SLC26A5: variants seen among roughly 807,000 people sequenced by gnomAD.
SLC26A5 encodes the protein prestin.
Under a neutral mutation model 81.0 loss-of-function variants are expected in SLC26A5, and 51 were observed. The ratio of observed to expected loss-of-function variants is 0.63; its 90% CI spans 0.50 to 0.80. The LOEUF (loss-of-function observed/expected upper bound fraction) is 0.80, where lower values mean the gene tolerates loss of function less well. Ranked by LOEUF, SLC26A5 falls within the 30% of genes least tolerant of loss-of-function variation. The probability of loss-of-function intolerance (pLI) is 0.00; values close to 1 mark genes in which losing one functional copy is unlikely to be tolerated. For missense variants in SLC26A5, 771 were observed against 905.8 expected (o/e 0.85, Z 1.91); for synonymous variants, 325 against 332.8 (o/e 0.98, Z 0.25).
intron 19 of SLC26A5, 81 bp from the exon 20 acceptor site, chr7:103,374,673 A>C: frequency 5.8e-6 from 7 of 1,210,448 alleles, no homozygotes; most frequent in Non-Finnish European, 8.1e-6. Flanking sequence ...ACTTCCATAT[A>C]GTGTTTTTTT....
intron 19 of SLC26A5, 22 bp downstream of exon 19, chr7:103,376,786 C>A: frequency 6.5e-7 from 1 of 1,544,254 alleles, no homozygotes; most frequent in Non-Finnish European, 8.9e-7. Flanking sequence ...TAAGCTTCAC[C>A]CCATCTTAGA....
chr7:103,365,064 C>T (rs138800490), intron 19 of SLC26A5, among the ~76,000 whole-genome samples: 2,011 of 149,040 alleles, frequency 0.013, 15 homozygotes, highest in South Asian at 0.028. Context: ...GAATTAGCTA[C>T]GGAGCTGCGT....
intron 14 of SLC26A5, among the ~76,000 whole-genome samples, chr7:103,385,042 A>C (rs1822076060): frequency 6.6e-6 from 1 of 152,200 alleles, no homozygotes; most frequent in South Asian, 2.1e-4. Flanking sequence ...TTAAAATTTT[A>C]TAATGCTAAC....
intron 19 of SLC26A5, chr7:103,369,129 T>G (rs1300516084): frequency 6.6e-6 from 1 of 152,186 alleles, no homozygotes; most frequent in African/African-American, 2.4e-5. Context: ...AAATGCTGCT[T>G]TGCACTGAAA....
At chr7:103,373,310 T>C (rs1821134125), downstream of SLC26A5, among the ~76,000 whole-genome samples, 1 of 152,190 alleles carries the variant, frequency 6.6e-6, no homozygotes, top group Admixed American at 6.5e-5. Context: ...ATCAACTAGA[T>C]ATTACGTTTT....
At chr7:103,386,059 C>T (rs1348002495) in intron 14 of SLC26A5, among the ~76,000 whole-genome samples, 1 of 151,868 alleles carries the variant, frequency 6.6e-6, no homozygotes, top group Non-Finnish European at 1.5e-5. Context: ...TCCTCAGTAG[C>T]TGGGATTACA....
intron 19 of SLC26A5, chr7:103,362,418 G>A: frequency 7.4e-7 from 1 of 1,349,014 alleles, no homozygotes; most frequent in Non-Finnish European, 9.5e-7. Context: ...AATGTCTATA[G>A]AATACATAAC....
intron 19 of SLC26A5, chr7:103,368,264 G>A (rs577933594): frequency 4.5e-4 from 227 of 502,438 alleles, no homozygotes; most frequent in East Asian, 1.4e-3. Flanking sequence ...ACCCACACCC[G>A]TTTAAGGATT....
chr7:103,398,847 G>C (rs1823356820), intron 8 of SLC26A5, among the ~76,000 whole-genome samples: 1 of 152,050 alleles, frequency 6.6e-6, no homozygotes, highest in Admixed American at 6.6e-5. Flanking sequence ...TGGGAGACCA[G>C]GGGCATGGGT....
chr7:103,388,993 A>G lies in SLC26A5; in HGVS notation c.1514+15T>C, dbSNP rs753212657. 5.1e-6 allele frequency: 8 copies of G among 1,584,056 alleles called. No homozygotes were observed. The Admixed American group carries it at 1.3e-4, about 26-fold the overall frequency. On this transcript the variant is annotated intron_variant, in intron 14 of 19. Transcript: ENST00000306312. ...CTGCCGGGACATTCACACCCATTCCAATCTGGGCACTCACCTCTGTGTTCT... is the reference window on the plus strand; with the variant it reads ...CTGCCGGGACATTCACACCCATTCCGATCTGGGCACTCACCTCTGTGTTCT...
At chr7:103,401,041 C>T (rs775627289) in intron 8 of SLC26A5, among the ~76,000 whole-genome samples, 17 of 152,154 alleles carry the variant, frequency 1.1e-4, no homozygotes, top group African/African-American at 3.6e-4. Context: ...CTTGGCTATG[C>T]GGGCCCTTTT....
chr7:103,436,280 G>A (rs540431856), intron 2 of SLC26A5, among the ~76,000 whole-genome samples: 3 of 152,208 alleles, frequency 2.0e-5, no homozygotes, highest in Non-Finnish European at 2.9e-5. Flanking sequence ...AGACGAAAGC[G>A]CAAGTTAGGT....
intron 3 of SLC26A5, among the ~76,000 whole-genome samples, chr7:103,421,088 A>C (rs1199374798): frequency 6.6e-6 from 1 of 152,224 alleles, no homozygotes; most frequent in Non-Finnish European, 1.5e-5. Context: ...AGATATTTTC[A>C]AGGTGGGTGG....
downstream of SLC26A5, among the ~76,000 whole-genome samples, chr7:103,369,577 A>G (rs1820909786): frequency 6.6e-6 from 1 of 152,246 alleles, no homozygotes; most frequent in Non-Finnish European, 1.5e-5. Context: ...TACTTTAAAA[A>G]TTTGGGTTTT....
At chr7:103,399,194 A>C (rs1823383731) in intron 8 of SLC26A5, among the ~76,000 whole-genome samples, 3 of 152,198 alleles carry the variant, frequency 2.0e-5, no homozygotes. Flanking sequence ...TCCCCTGGGA[A>C]ACATGGAAGA....
At chr7:103,376,748 T>C (rs1006317398) in intron 19 of SLC26A5, 60 bp downstream of exon 19, 2 of 1,143,732 alleles carry the variant, frequency 1.7e-6, no homozygotes, top group African/African-American at 3.1e-5. Flanking sequence ...GTGCAATTAT[T>C]TAAATAAGAG....
At position 103,367,814 on chromosome 7, in the gene SLC26A5, G is replaced by A. The variant is rs769296356; in HGVS notation, c.2041+8994C>T. On this transcript the variant is annotated intron_variant, in intron 19 of 19. Coordinates refer to the SLC26A5 transcript ENST00000339444. The surrounding 1 kb of genome is among the most constrained non-coding windows in gnomAD (Gnocchi z 6.1). ...GACTGTGTCCAAATAGCACTGGTAA[G>A]TAGAAAGTTCTTGCTTATATTTGCT... The A allele has an allele frequency of 6.2e-7, 1 of 1,612,848 alleles. No individual in the cohort carries two copies.
intron 19 of SLC26A5, chr7:103,366,068 C>G: frequency 1.3e-6 from 2 of 1,590,906 alleles, no homozygotes; most frequent in East Asian, 4.5e-5. Context: ...AATCATTTTT[C>G]TCATTAGGGG....
At chr7:103,385,201 G>C (rs1034194026) in intron 14 of SLC26A5, among the ~76,000 whole-genome samples, 12 of 151,834 alleles carry the variant, frequency 7.9e-5, no homozygotes, top group Admixed American at 3.9e-4. Flanking sequence ...TCGCTCTGTC[G>C]CCTGGGCTGG....
Sources: allele counts gnomAD v4.1 joint callset (sites outside exome capture counted in the v4.1 genomes callset), GRCh38; gene constraint gnomAD v4.1.1; non-coding constraint Gnocchi (gnomAD v3.1); transcripts MANE v1.5; gene names NCBI Gene and HGNC (gene_info 2026-07-23, HGNC 2026-07-21).